Variants in FSTL4 observed in about 807,000 individuals in gnomAD.
The protein encoded by FSTL4 is follistatin-related protein 4.
FSTL4 carries 28 observed loss-of-function variants against 78.2 expected under a neutral mutation model. That is an observed-to-expected ratio of 0.36 (90% CI 0.27 to 0.49). FSTL4 has a LOEUF of 0.49. FSTL4 is among the 20% of genes least tolerant of loss of function. The pLI is 0.98. For synonymous variants in FSTL4, 422 were observed against 440.5 expected, an observed-to-expected ratio of 0.96 and a Z score of 0.53; for missense variants, 922 against 1,084.9, an observed-to-expected ratio of 0.85 and a Z score of 2.11.
chr5:133,424,384 C>G (rs370768563), intron 3 of FSTL4, among the ~76,000 whole-genome samples: 2 of 152,130 alleles, frequency 1.3e-5, no homozygotes, highest in Non-Finnish European at 2.9e-5. Flanking sequence ...TTGAGAGAGA[C>G]ACAACCCGAG....
At chr5:133,230,733 C>T (rs905174831) in intron 8 of FSTL4, among the ~76,000 whole-genome samples, 6 of 152,186 alleles carry the variant, frequency 3.9e-5, no homozygotes, top group Non-Finnish European at 7.3e-5. Context: ...GCCTCTTCTC[C>T]TCCTGCGCCT....
At chr5:133,460,000 C>A (rs535380072) in intron 3 of FSTL4, among the ~76,000 whole-genome samples, 8 of 152,178 alleles carry the variant, frequency 5.3e-5, no homozygotes, top group Non-Finnish European at 7.3e-5. Context: ...AAGGAAATAT[C>A]CTCCCCATAG....
rs116740482 is a variant in FSTL4, at chr5:133,511,325, G to C, written c.160+55861C>G. On this transcript the variant is annotated intron_variant, in intron 3 of 15. Transcript: ENST00000265342. The stretch of plus-strand genomic sequence containing the variant: ...TTTCCAGCCAGACCTTAAGGACAAA[G>C]AACCAGGCTTCTGGATTTGCGCTGT... Among the ~76,000 whole-genome samples the C allele has an allele frequency of 7.0e-3, 1,069 of 152,282 alleles. 9 individuals are homozygous for C. Among genetic ancestry groups the C allele is most frequent in the African/African-American group, 0.024 (984 of 41,554 alleles).
chr5:133,718,085 T>G, the FSTL4 span, among the ~76,000 whole-genome samples: 1 of 151,682 alleles, frequency 6.6e-6, no homozygotes, highest in East Asian at 1.9e-4. Context: ...TGTTTGTTTG[T>G]TTTTTGGTTT....
chr5:133,410,164 G>A (rs940859633), intron 3 of FSTL4, among the ~76,000 whole-genome samples: 5 of 152,166 alleles, frequency 3.3e-5, no homozygotes, highest in African/African-American at 4.8e-5. Context: ...AGTACAATAC[G>A]ATTTCTGCCC....
chr5:133,365,837 C>T (rs1755170910), intron 4 of FSTL4, among the ~76,000 whole-genome samples: 1 of 152,204 alleles, frequency 6.6e-6, no homozygotes, highest in Non-Finnish European at 1.5e-5. Context: ...CTGAAAAGGT[C>T]GGACCAGGGC....
At chr5:133,327,324 G>A (rs1033930908) in intron 4 of FSTL4, among the ~76,000 whole-genome samples, 10 of 152,188 alleles carry the variant, frequency 6.6e-5, no homozygotes, top group Non-Finnish European at 1.3e-4. Context: ...CAAGTATGGG[G>A]TGAGGCCCGG....
chr5:133,668,628 C>T, the FSTL4 span, among the ~76,000 whole-genome samples: 1 of 152,174 alleles, frequency 6.6e-6, no homozygotes, highest in Non-Finnish European at 1.5e-5. Flanking sequence ...GTTTCTGTTG[C>T]TAACATGACC....
In FSTL4 at chr5:133,372,213, TTATC is replaced by T. The variant is rs199728262; in HGVS notation, c.409+28521_409+28524del. On this transcript the variant is annotated intron_variant, in intron 4 of 15. Transcript: ENST00000265342. ...TGAGATTTGAGGACTGGCAGGGGAA[TTATC>T]TATCTATGTATCTATGTATCTATGT... 6.0e-5 allele frequency among the ~76,000 whole-genome samples: 5 copies of T among 82,702 alleles called. No individual in the cohort carries two copies. In the East Asian group the frequency reaches 1.2e-3, roughly 20 times the overall value. The allele number at this position is 82,702 out of a possible 152,430, so 54.3% of individuals were successfully genotyped here.
At chr5:133,290,213 A>G (rs1170222142) in intron 6 of FSTL4, among the ~76,000 whole-genome samples, 1 of 152,218 alleles carries the variant, frequency 6.6e-6, no homozygotes, top group Admixed American at 6.5e-5. Context: ...AATAAACAAC[A>G]GGGAATTTTA....
At chr5:133,680,846 G>C in the FSTL4 span, among the ~76,000 whole-genome samples, 1 of 152,212 alleles carries the variant, frequency 6.6e-6, no homozygotes, top group Non-Finnish European at 1.5e-5. Flanking sequence ...ATGACTTCAC[G>C]TGTGTTCATT....
intron 7 of FSTL4, among the ~76,000 whole-genome samples, chr5:133,246,319 C>G (rs1752037868): frequency 6.6e-6 from 1 of 152,198 alleles, no homozygotes; most frequent in Non-Finnish European, 1.5e-5. Context: ...GGGCTGTTCT[C>G]CCCTAATTCT....
At chr5:133,363,926 T>A (rs1755123843) in intron 4 of FSTL4, among the ~76,000 whole-genome samples, 1 of 152,236 alleles carries the variant, frequency 6.6e-6, no homozygotes, top group Non-Finnish European at 1.5e-5. Context: ...ATGGCTGGGT[T>A]AATTCATAGA....
At chr5:133,757,221 A>G in the FSTL4 span, among the ~76,000 whole-genome samples, 1 of 149,046 alleles carries the variant, frequency 6.7e-6, no homozygotes. Flanking sequence ...TTAAAGAATA[A>G]AAAGGTAAAA....
chr5:133,219,351 T>C (rs945916110), intron 12 of FSTL4, among the ~76,000 whole-genome samples: 1 of 152,182 alleles, frequency 6.6e-6, no homozygotes, highest in South Asian at 2.1e-4. Flanking sequence ...ATTTAATCCT[T>C]ATATAATCCC....
chr5:133,348,560 C>T (rs568027915), intron 4 of FSTL4, among the ~76,000 whole-genome samples: 49 of 152,338 alleles, frequency 3.2e-4, no homozygotes, highest in African/African-American at 1.1e-3. Flanking sequence ...TGAGAGCCCC[C>T]AAGTCTGGCC....
In FSTL4 at chr5:133,261,585, C is replaced by T. The variant is rs183326561; in HGVS notation, c.728-12009G>A. ...GCTCATGAGAGTGACAGGCCAGGCG[C>T]GGTGCTCACGCCTGGAATCCCAGCA... On this transcript the variant is annotated intron_variant, in intron 6 of 15. Coordinates refer to ENST00000265342, the MANE Select transcript of FSTL4 (RefSeq NM_015082.2). 2.7e-3 allele frequency among the ~76,000 whole-genome samples: 410 copies of T among 152,234 alleles called. 2 individuals are homozygous for T. The highest frequency in any genetic ancestry group is 4.7e-3 in the Non-Finnish European group (318 of 68,016).
In FSTL4 at chr5:133,405,175, C is replaced by T. The variant is rs1470019; in HGVS notation, c.161-4189G>A. On this transcript the variant is annotated intron_variant, in intron 3 of 15. Coordinates refer to ENST00000265342, the MANE Select transcript of FSTL4 (RefSeq NM_015082.2). ...GAAGGCTGTCAGTGCCCCCAGCACA[C>T]GACCTAGCACTGAATTCCACAACCT... 2.8e-3 allele frequency among the ~76,000 whole-genome samples: 428 copies of T among 152,312 alleles called. 1 individual carries two copies. The highest frequency in any genetic ancestry group is 9.3e-3 in the African/African-American group (388 of 41,554).
At chr5:133,756,160 T>C in the FSTL4 span, among the ~76,000 whole-genome samples, 64 of 151,774 alleles carry the variant, frequency 4.2e-4, no homozygotes, top group Non-Finnish European at 7.9e-4. Context: ...GGGAGGAGAC[T>C]CTAGGAGGAG....
Sources: gnomAD v4.1 joint callset for allele counts (sites outside exome capture counted in the v4.1 genomes callset) on GRCh38, gnomAD v4.1.1 for gene constraint, MANE v1.5 for transcripts, NCBI Gene and HGNC (gene_info 2026-07-23, HGNC 2026-07-21) for gene names.